NUP107: variants seen among roughly 807,000 people sequenced by gnomAD.
NUP107 encodes nuclear pore complex protein Nup107.
In NUP107, 101 loss-of-function variants were observed where a neutral mutation model predicts 141.0. The observed-to-expected ratio is 0.72, with a 90% CI of 0.61 to 0.84. The LOEUF (loss-of-function observed/expected upper bound fraction) is 0.84, where lower values mean the gene tolerates loss of function less well. Ranked by LOEUF, NUP107 falls within the 40% of genes least tolerant of loss-of-function variation. NUP107 has a pLI of 0.00. For synonymous variants in NUP107, 319 were observed against 363.9 expected (o/e 0.88, Z 1.41); for missense variants, 941 against 1,102.7 (o/e 0.85, Z 2.08).
At chr12:68,702,936 C>T (rs995983227) in intron 8 of NUP107, 152 bp downstream of exon 8, 6 of 426,240 alleles carry the variant, frequency 1.4e-5, no homozygotes, top group Middle Eastern at 6.3e-4. Flanking sequence ...CTCTGCCTCC[C>T]GGGTTCAAGT....
chr12:68,732,545 T>C (rs1877875023), intron 22 of NUP107, 92 bp from the exon 23 acceptor site: 2 of 609,944 alleles, frequency 3.3e-6, no homozygotes, highest in Non-Finnish European at 5.5e-6. Flanking sequence ...TTACTGGAAG[T>C]ACAGGTGTAA....
At chr12:68,700,945 A>G in intron 7 of NUP107, 92 bp downstream of exon 7, 1 of 1,304,534 alleles carries the variant, frequency 7.7e-7, no homozygotes, top group East Asian at 2.5e-5. Context: ...TCGTGCTTGG[A>G]AATAGGTTTT....
At position 68,689,424 on chromosome 12, in the gene NUP107, C is replaced by A. The variant is rs567874270; in HGVS notation, c.101-109C>A. On this transcript the variant is annotated intron_variant, in intron 2 of 27. Transcript: ENST00000229179. ...ATTGAAAAATGGTAGCCCTAAAATA[C>A]TTGTTCTTGAAAAATGTATTCACAT... 4 of 662,680 alleles carry A rather than the reference C, an allele frequency of 6.0e-6. No individual in the cohort carries two copies. In the South Asian group the frequency reaches 6.2e-5, roughly 10 times the overall value. 41.0% of individuals were successfully genotyped at this position (662,680 alleles called of 1,614,324 possible). A position where few individuals can be genotyped will look rare whatever the true frequency, so the allele number is the denominator to read the frequency against.
Position 68,693,077 on chromosome 12 carries a change from A to T in NUP107, c.448+965A>T, listed in dbSNP as rs1265341637. On this transcript the variant is annotated intron_variant, in intron 5 of 27. Transcript: ENST00000229179. ...CAGCTAATTTTTTATTTATTTATTT[A>T]TTTATTTATTTTTTTTTTTAGACGG... 1.2e-4 allele frequency among the ~76,000 whole-genome samples: 17 copies of T among 143,936 alleles called. No individual in the cohort carries two copies. The East Asian group carries it at 2.7e-3, about 23-fold the overall frequency. The allele number at this position is 143,936 out of a possible 152,430, so 94.4% of individuals were successfully genotyped here. A position where few individuals can be genotyped will look rare whatever the true frequency, so the allele number is the denominator to read the frequency against.
rs532075007 is a variant in NUP107, at chr12:68,701,258, T to C, written c.680+405T>C. Among the ~76,000 whole-genome samples, 26 of 152,236 alleles carry C rather than the reference T, an allele frequency of 1.7e-4. No individual in the cohort carries two copies. The South Asian group carries it at 5.2e-3, about 30-fold the overall frequency. ...CTAGAAATTTAACCTAAGAAAATAA[T>C]GAGAAATATATACAACCACATATGA... On this transcript the variant is annotated intron_variant, in intron 7 of 27. Coordinates refer to ENST00000229179, the MANE Select transcript of NUP107 (RefSeq NM_020401.4).
intron 12 of NUP107, among the ~76,000 whole-genome samples, chr12:68,716,425 C>G (rs546173638): frequency 4.8e-4 from 73 of 151,836 alleles, no homozygotes; most frequent in Non-Finnish European, 8.5e-4. Flanking sequence ...CAGACGGAGT[C>G]TTACTATGTT....
intron 1 of NUP107, 36 bp from the exon 2 acceptor site, chr12:68,688,926 C>G: frequency 6.8e-7 from 1 of 1,464,334 alleles, no homozygotes; most frequent in Non-Finnish European, 9.5e-7. Flanking sequence ...GCTATATTCT[C>G]GTTTCACTTA....
At chr12:68,717,294 T>C (rs1877156465) in intron 12 of NUP107, among the ~76,000 whole-genome samples, 1 of 152,202 alleles carries the variant, frequency 6.6e-6, no homozygotes, top group East Asian at 1.9e-4. Context: ...AAACCACAGA[T>C]AGTGAGTGTT....
chr12:68,700,866 A>G lies in NUP107; in HGVS notation c.680+13A>G. On this transcript the variant is annotated intron_variant, in intron 7 of 27. Coordinates refer to ENST00000229179, the MANE Select transcript of NUP107 (RefSeq NM_020401.4). ...CTTCTTTGTATAGGTAATGGCGTCT[A>G]GAATTCATAAGTGAAATAAACATAA... 1 of 1,558,712 alleles carries G rather than the reference A, an allele frequency of 6.4e-7. No homozygotes were observed. Among genetic ancestry groups the G allele is most frequent in the Non-Finnish European group, 8.6e-7 (1 of 1,159,664 alleles).
At position 68,741,842 on chromosome 12, in the gene NUP107, T is replaced by C. The variant is rs1408750534; in HGVS notation, c.2532T>C (p.His844=). Residue 844 remains histidine (H), a synonymous_variant, in exon 27 of 28, where the codon CAT becomes CAC. Coordinates refer to ENST00000229179, the MANE Select transcript of NUP107 (RefSeq NM_020401.4). ...EDAKEDHERT[H]QMVLLRKLCL... The stretch of plus-strand genomic sequence containing the variant: ...CCAAAGAAGACCATGAAAGAACACA[T>C]CAAATGGTCTTACTGAGAAAGCTTT... 7 of 1,613,648 alleles carry C rather than the reference T, an allele frequency of 4.3e-6. No homozygotes were observed. In the African/African-American group the frequency reaches 6.7e-5, roughly 15 times the overall value.
At chr12:68,709,691 C>T (rs1210019005) in intron 9 of NUP107, among the ~76,000 whole-genome samples, 1 of 151,768 alleles carries the variant, frequency 6.6e-6, no homozygotes, top group African/African-American at 2.4e-5. Flanking sequence ...GAGATCGAGA[C>T]CATCTGGCTA....
intron 9 of NUP107, 27 bp downstream of exon 9, chr12:68,709,336 T>G: frequency 7.2e-7 from 1 of 1,387,804 alleles, no homozygotes; most frequent in Non-Finnish European, 1.0e-6. Flanking sequence ...AAATTTTTTT[T>G]TATGAAACAT....
chr12:68,687,199 T>G, intron 1 of NUP107, 126 bp downstream of exon 1: 1 of 1,339,948 alleles, frequency 7.5e-7, no homozygotes, highest in Non-Finnish European at 1.0e-6. Flanking sequence ...CTAAGGCTCC[T>G]TCCCCATGCC....
chr12:68,734,968 G>A (rs1288044355), intron 25 of NUP107, 135 bp downstream of exon 25: 5 of 1,052,318 alleles, frequency 4.8e-6, no homozygotes, highest in Non-Finnish European at 5.4e-6. Context: ...TGCTTTGGAA[G>A]ATGCAATCTG....
intron 20 of NUP107, among the ~76,000 whole-genome samples, chr12:68,730,235 T>TTTTTTTTTTTA (rs71091551): frequency 1.4e-5 from 2 of 147,396 alleles, no homozygotes; most frequent in African/African-American, 5.0e-5. Flanking sequence ...TTTTTTTTTT[T>TTTTTTTTTTTA]GAGAGAGTCT....
chr12:68,717,141 G>T (rs934769408), intron 12 of NUP107, among the ~76,000 whole-genome samples: 2 of 151,850 alleles, frequency 1.3e-5, no homozygotes, highest in East Asian at 3.9e-4. Flanking sequence ...CAGGCAGTCC[G>T]CCTACCTCAG....
At position 68,730,739 on chromosome 12, in the gene NUP107, C is replaced by T. The variant is rs1410158373; in HGVS notation, c.1735-371C>T. 5.9e-5 allele frequency among the ~76,000 whole-genome samples: 9 copies of T among 152,116 alleles called. 1 individual carries two copies. The East Asian group carries it at 1.7e-3, about 29-fold the overall frequency. On this transcript the variant is annotated intron_variant, in intron 20 of 27. Coordinates refer to ENST00000229179, the MANE Select transcript of NUP107 (RefSeq NM_020401.4). ...CAGCACTTTAGGAGGCCAAGGTGGG[C>T]AGATCACTTGAGCCCAGGAGTTTGA...
chr12:68,731,647 T>TATTC lies in NUP107; in HGVS notation c.1927_1930dup (p.Arg644HisfsTer6). 6.3e-7 allele frequency: 1 copy of TATTC among 1,586,558 alleles called. No homozygotes were observed. The highest frequency in any genetic ancestry group is 1.9e-5 in the Admixed American group (1 of 51,398). On this transcript the variant is annotated frameshift_variant, in exon 22 of 28. Transcript: ENST00000229179. LOFTEE classifies it high-confidence loss of function. Reference sequence around the variant, plus strand: ...CAATAACAAAAACTGTAGTTGAGAATATTCGAAAGAAAGATAATGGTGAAT... The same window carrying TATTC: ...CAATAACAAAAACTGTAGTTGAGAATATTCATTCGAAAGAAAGATAATGGTGAAT...
At chr12:68,708,228 T>C (rs927217599) in intron 8 of NUP107, among the ~76,000 whole-genome samples, 2 of 152,288 alleles carry the variant, frequency 1.3e-5, no homozygotes, top group Admixed American at 6.5e-5. Flanking sequence ...ATATGTTTGC[T>C]AGAGGTTTCA....
Sources: gnomAD v4.1 joint callset for allele counts (sites outside exome capture counted in the v4.1 genomes callset) on GRCh38, gnomAD v4.1.1 for gene constraint, MANE v1.5 for transcripts, NCBI Gene and HGNC (gene_info 2026-07-23, HGNC 2026-07-21) for gene names.